Variants in RAPH1 observed in about 807,000 individuals in gnomAD.
RAPH1 encodes Ras association (RalGDS/AF-6) and pleckstrin homology domains 1, also known as ras-associated and pleckstrin homology domains-containing protein 1.
Under a neutral mutation model 88.1 loss-of-function variants are expected in RAPH1, and 18 were observed. The observed-to-expected ratio is 0.20, with a 90% CI of 0.14 to 0.30. The LOEUF is 0.30. RAPH1 is among the 10% of genes least tolerant of loss of function. The pLI, the probability that RAPH1 is intolerant of heterozygous loss-of-function variation, is 1.00. For synonymous variants in RAPH1, 587 were observed against 559.0 expected, an observed-to-expected ratio of 1.05 and a Z score of -0.71; for missense variants, 1,448 against 1,543.2, an observed-to-expected ratio of 0.94 and a Z score of 1.03.
rs757419476 is a variant in RAPH1 at position 203,455,499 on chromosome 2, T to C, written c.1240A>G (p.Lys414Glu). The change falls in exon 9 of 14, where the codon AAA (lysine) becomes GAA (glutamate). Residue 414 changes from lysine to glutamate, a missense_variant. Physicochemically the swap from Lys to Glu is moderately conservative, Grantham distance 56. Coordinates refer to ENST00000319170, the MANE Select transcript of RAPH1 (RefSeq NM_213589.3). Reference sequence around the variant, plus strand: ...GCTCGCAAGAGAAAATAACGCTTTTTCCAGGACTTCTTGCCATCATCCTTC... The same window carrying C: ...GCTCGCAAGAGAAAATAACGCTTTTCCCAGGACTTCTTGCCATCATCCTTC... ...WLKDDGKKSW[K>E]KRYFLLRASG... 36 of 1,613,920 alleles carry C rather than the reference T, an allele frequency of 2.2e-5. No individual in the cohort carries two copies.
chr2:203,530,314 A>G (rs557581040), intron 1 of RAPH1, among the ~76,000 whole-genome samples: 36 of 152,206 alleles, frequency 2.4e-4, no homozygotes, highest in South Asian at 4.1e-4. Context: ...TTTATGTTCA[A>G]ATACATTATG....
At chr2:203,461,533 C>T (rs1559462162) in intron 5 of RAPH1, 125 bp from the exon 6 acceptor site, 3 of 651,580 alleles carry the variant, frequency 4.6e-6, no homozygotes. Context: ...CAAATAATGA[C>T]TTCATTATGC....
intron 1 of RAPH1, among the ~76,000 whole-genome samples, chr2:203,519,054 T>C (rs966043072): frequency 1.3e-5 from 2 of 152,140 alleles, no homozygotes; most frequent in African/African-American, 2.4e-5. Context: ...GGGTTCATTG[T>C]GAATTCTACC....
intron 1 of RAPH1, among the ~76,000 whole-genome samples, chr2:203,517,207 G>A (rs1689653292): frequency 6.6e-6 from 1 of 151,712 alleles, no homozygotes; most frequent in South Asian, 2.1e-4. Flanking sequence ...AAAGCAGGAG[G>A]AGCTAACTTA....
chr2:203,454,667 T>TTAG, intron 9 of RAPH1, 127 bp from the exon 10 acceptor site: 1 of 629,830 alleles, frequency 1.6e-6, no homozygotes, highest in Non-Finnish European at 2.7e-6. Context: ...TTATTGCTAT[T>TTAG]TACACGAGAC....
At chr2:203,510,312 G>A (rs4673256) in intron 1 of RAPH1, among the ~76,000 whole-genome samples, 1 of 137,740 alleles carries the variant, frequency 7.3e-6, no homozygotes, top group South Asian at 2.4e-4. Flanking sequence ...CTGCAGCCTG[G>A]GTGATAGAGC....
chr2:203,440,272 G>C lies in RAPH1; in HGVS notation c.2918C>G (p.Pro973Arg). Residue 973 changes from proline to arginine, a missense_variant, in exon 14 of 14, where the codon CCA (proline) becomes CGA (arginine). Physicochemically the swap from Pro to Arg is moderately radical, Grantham distance 103. This residue lies in a region of RAPH1 where 935 missense variants were observed against 890.1 expected (regional missense o/e 1.05). Transcript: ENST00000319170. ...TSSPGGKKPPPTPQRNSSIKS... is the reference protein window; with the variant it reads ...TSSPGGKKPPRTPQRNSSIKS... ...AATGCTGGAGTTGCGCTGTGGGGTT[G>C]GGGGTGGTTTCTTTCCCCCAGGGCT... 6.2e-7 allele frequency: 1 copy of C among 1,613,888 alleles called. No individual in the cohort carries two copies. Among genetic ancestry groups the C allele is most frequent in the Non-Finnish European group, 8.5e-7 (1 of 1,179,966 alleles).
chr2:203,524,455 T>A (rs2250111), intron 1 of RAPH1, among the ~76,000 whole-genome samples: 21,108 of 152,060 alleles, frequency 0.14, 3,336 homozygotes, highest in African/African-American at 0.39. Flanking sequence ...CTGTCCACAA[T>A]TGGAAACAGC....
chr2:203,479,675 A>G (rs1198021014), intron 4 of RAPH1, among the ~76,000 whole-genome samples: 1 of 152,138 alleles, frequency 6.6e-6, no homozygotes, highest in East Asian at 1.9e-4. Flanking sequence ...CATATAAAAC[A>G]GTATGACGGA....
At chr2:203,449,541 G>T (rs1168974689) in intron 10 of RAPH1, among the ~76,000 whole-genome samples, 3 of 152,208 alleles carry the variant, frequency 2.0e-5, no homozygotes, top group African/African-American at 4.8e-5. Flanking sequence ...CCAGGTGTTA[G>T]GAATATGTTT....
At chr2:203,470,163 G>C (rs1164884016) in intron 4 of RAPH1, 1 of 925,644 alleles carries the variant, frequency 1.1e-6, no homozygotes, top group African/African-American at 1.7e-5. Flanking sequence ...AATAATATAA[G>C]AGCATGATCA....
At chr2:203,441,784 A>G in intron 13 of RAPH1, 1 of 1,283,550 alleles carries the variant, frequency 7.8e-7, no homozygotes, top group Non-Finnish European at 9.8e-7. Flanking sequence ...TCCTCTGAGC[A>G]CTGGACTTCC....
intron 1 of RAPH1, among the ~76,000 whole-genome samples, chr2:203,534,784 G>GC (rs1581428148): frequency 6.6e-6 from 1 of 151,438 alleles, no homozygotes; most frequent in Admixed American, 6.6e-5. Flanking sequence ...CGGGCCACCA[G>GC]CCCCCGGTGC....
chr2:203,510,848 C>G (rs534551079), intron 1 of RAPH1, among the ~76,000 whole-genome samples: 1 of 152,024 alleles, frequency 6.6e-6, no homozygotes, highest in East Asian at 1.9e-4. Context: ...TGCTTGAGCC[C>G]AGGAGTTCGA....
intron 4 of RAPH1, among the ~76,000 whole-genome samples, chr2:203,470,059 C>A (rs963697371): frequency 6.6e-6 from 1 of 152,122 alleles, no homozygotes; most frequent in Admixed American, 6.5e-5. Context: ...ATTTTGTACT[C>A]TCAATATTGC....
chr2:203,506,907 T>C (rs1689114806), intron 1 of RAPH1, among the ~76,000 whole-genome samples: 1 of 128,984 alleles, frequency 7.8e-6, no homozygotes, highest in African/African-American at 3.2e-5. Flanking sequence ...TATTTTTTTT[T>C]TTTTTGAGAT....
At chr2:203,441,617 A>C in intron 13 of RAPH1, 1 of 1,340,004 alleles carries the variant, frequency 7.5e-7, no homozygotes, top group Non-Finnish European at 9.5e-7. Context: ...GAAACAGAAA[A>C]CTTGTTTTAC....
intron 4 of RAPH1, among the ~76,000 whole-genome samples, chr2:203,470,487 A>C (rs1431579167): frequency 6.6e-6 from 1 of 152,200 alleles, no homozygotes; most frequent in Non-Finnish European, 1.5e-5. Flanking sequence ...AAAAAAGAAA[A>C]AGAAAAGGAG....
At position 203,489,905 on chromosome 2, in the gene RAPH1, A is replaced by G. The variant is rs1398067883; in HGVS notation, c.411T>C (p.Ser137=). The change falls in exon 4 of 14, where the codon TCT becomes TCC. Residue 137 remains serine (S), a synonymous_variant. Coordinates refer to ENST00000319170, the MANE Select transcript of RAPH1 (RefSeq NM_213589.3). ...TLKHGTLKGL[S]SSSNRIAKPS... is the part of the protein sequence containing the mutation. ...GTTTAGCTATCCTATTAGATGAAGA[A>G]GATAATCCTTTCAAGGTGCCATGTT... The G allele has an allele frequency of 6.2e-7, 1 of 1,614,242 alleles. No homozygotes were observed. Among genetic ancestry groups the G allele is most frequent in the South Asian group, 1.1e-5 (1 of 91,082 alleles).
Sources: gnomAD v4.1 joint callset for allele counts (sites outside exome capture counted in the v4.1 genomes callset) on GRCh38, gnomAD v4.1.1 for gene constraint, gnomAD v4.1.1 regional missense constraint, MANE v1.5 for transcripts, NCBI Gene and HGNC (gene_info 2026-07-23, HGNC 2026-07-21) for gene names.